The following DMBT1 variants were observed in gnomAD, a reference collection of about 807,000 sequenced individuals.
DMBT1 encodes deleted in malignant brain tumors 1.
In DMBT1, 198 loss-of-function variants were observed where a neutral mutation model predicts 252.9. The observed-to-expected ratio is 0.78, with a 90% CI of 0.70 to 0.88. The LOEUF (loss-of-function observed/expected upper bound fraction) is 0.88, where lower values mean the gene tolerates loss of function less well. Among genes scored for constraint, DMBT1 ranks in the 40% least tolerant of loss-of-function variants. DMBT1 has a pLI of 0.00. For synonymous variants in DMBT1, 990 were observed against 942.7 expected, an observed-to-expected ratio of 1.05 and a Z score of -0.92; for missense variants, 2,432 against 2,404.7, an observed-to-expected ratio of 1.01 and a Z score of -0.24.
rs749940053 is a variant in DMBT1 at position 122,590,693 on chromosome 10, A to G, written c.2136A>G (p.Pro712=). The G allele has an allele frequency of 1.3e-6, 2 of 1,587,670 alleles. No homozygotes were observed. The highest frequency in any genetic ancestry group is 2.3e-5 in the East Asian group (1 of 42,710). The change falls in exon 18 of 56, where the codon CCA becomes CCG. Residue 712 remains proline (P), a splice_region_variant and synonymous_variant. Transcript: ENST00000338354. The part of the protein sequence containing the change: ...SAAQSRSTPR[P]DTLSTITLPP... ...CCCAGTCCCGGTCGACGCCCAGGCC[A>G]GGTGAGTCCCCAGTGTCCTTCCTTG...
At chr10:122,637,088 G>C (rs2098232893) in intron 53 of DMBT1, 40 bp from the exon 54 acceptor site, 2 of 1,591,178 alleles carry the variant, frequency 1.3e-6, no homozygotes, top group African/African-American at 1.3e-5. Context: ...TGTGGAGTCT[G>C]GGGCAGTGAC....
At chr10:122,568,270 G>T (rs372525217) in intron 2 of DMBT1, among the ~76,000 whole-genome samples, 34 of 152,206 alleles carry the variant, frequency 2.2e-4, no homozygotes, top group African/African-American at 7.2e-4. Context: ...GGGATGATGT[G>T]GGGGGTAGGA....
chr10:122,575,346 C>T (rs2097703140), intron 6 of DMBT1, among the ~76,000 whole-genome samples: 1 of 152,144 alleles, frequency 6.6e-6, no homozygotes, highest in Admixed American at 6.5e-5. Context: ...TATTTCCTCC[C>T]CAAGCAGCCC....
chr10:122,641,467 T>C (rs1844517809), intron 55 of DMBT1, among the ~76,000 whole-genome samples: 1 of 152,192 alleles, frequency 6.6e-6, no homozygotes, highest in South Asian at 2.1e-4. Context: ...ATGCTAAACG[T>C]AGCACCTCTT....
intron 7 of DMBT1, 140 bp downstream of exon 7, chr10:122,576,862 A>C: frequency 1.9e-6 from 2 of 1,047,320 alleles, no homozygotes; most frequent in Non-Finnish European, 2.8e-6. Flanking sequence ...CCCCATCTCT[A>C]TTAAAAAAAG....
Position 122,640,196 on chromosome 10 carries a change from G to C in DMBT1, c.7099G>C (p.Val2367Leu). Reference sequence around the variant, plus strand: ...GTACATTGCTAATGACACCATCCACGTTGCTAATAACACCATCCAGGTCGA... The same window carrying C: ...GTACATTGCTAATGACACCATCCACCTTGCTAATAACACCATCCAGGTCGA... Reference protein sequence around the residue: ...TMYIANDTIHVANNTIQVEEV... With the variant: ...TMYIANDTIHLANNTIQVEEV... Residue 2367 changes from valine (V) to leucine (L), a missense_variant, in exon 55 of 56, where the codon GTT becomes CTT. By Grantham distance (32) the Val-to-Leu change is conservative (BLOSUM62 1). Coordinates refer to ENST00000338354, the MANE Select transcript of DMBT1 (RefSeq NM_001377530.1). 6.2e-7 allele frequency: 1 copy of C among 1,614,036 alleles called. No individual in the cohort carries two copies.
At chr10:122,624,607 C>G (rs1309230906) in intron 44 of DMBT1, among the ~76,000 whole-genome samples, 1 of 152,178 alleles carries the variant, frequency 6.6e-6, no homozygotes, top group Non-Finnish European at 1.5e-5. Context: ...AGGTCCTGTA[C>G]CAAGTCTCCT....
At chr10:122,618,712 A>G (rs1019225115) in intron 41 of DMBT1, among the ~76,000 whole-genome samples, 3 of 152,238 alleles carry the variant, frequency 2.0e-5, no homozygotes, top group African/African-American at 4.8e-5. Context: ...TCCTCTCACT[A>G]CAAGGAACTG....
In DMBT1 at chr10:122,579,666, C is replaced by T. The variant is rs747842162; in HGVS notation, c.768C>T (p.Gly256=). ...AGGTCCTATACCGAGGCTCCTGGGGCACCGTGTGTGATGACTACTGGGACA... is the reference window on the plus strand; with the variant it reads ...AGGTCCTATACCGAGGCTCCTGGGGTACCGTGTGTGATGACTACTGGGACA... ...RVEVLYRGSW[G]TVCDDYWDTN... The change falls in exon 10 of 56, where the codon GGC becomes GGT. Residue 256 remains glycine (G), a synonymous_variant. Coordinates refer to ENST00000338354, the MANE Select transcript of DMBT1 (RefSeq NM_001377530.1). 8 of 1,613,794 alleles carry T rather than the reference C, an allele frequency of 5.0e-6. No individual in the cohort carries two copies. The South Asian group carries it at 7.7e-5, about 16-fold the overall frequency.
intron 5 of DMBT1, among the ~76,000 whole-genome samples, 171 bp downstream of exon 5, chr10:122,572,532 C>G (rs563136127): frequency 2.6e-5 from 4 of 152,180 alleles, no homozygotes; most frequent in Non-Finnish European, 5.9e-5. Flanking sequence ...GAGTCCATAT[C>G]ACCACACACG....
In DMBT1 at chr10:122,629,932, T is replaced by C. The variant is rs767410970; in HGVS notation, c.5761T>C (p.Cys1921Arg). Reference protein sequence around the residue: ...YPAYYPNNAKCVWEIEVNSGY... With the variant: ...YPAYYPNNAKRVWEIEVNSGY... ...TGCATACTACCCCAACAATGCTAAGTGTGTTTGGGAAATAGAAGTGAATTC... is the reference window on the plus strand; with the variant it reads ...TGCATACTACCCCAACAATGCTAAGCGTGTTTGGGAAATAGAAGTGAATTC... Residue 1921 changes from cysteine (C) to arginine (R), a missense_variant, in exon 47 of 56, where the codon TGT becomes CGT. Cys to Arg is a radical substitution (Grantham distance 180). This residue lies in a region of DMBT1 where 1,162 missense variants were observed against 1,169.0 expected (regional missense o/e 0.99). Transcript: ENST00000338354. The C allele has an allele frequency of 8.1e-6, 13 of 1,613,950 alleles. No individual in the cohort carries two copies. In the South Asian group the frequency reaches 1.4e-4, roughly 18 times the overall value.
chr10:122,639,915 A>T, intron 54 of DMBT1, 125 bp from the exon 55 acceptor site: 1 of 1,161,182 alleles, frequency 8.6e-7, no homozygotes, highest in Admixed American at 2.6e-5. Context: ...GCCATCTCTG[A>T]GTGGTTCTGG....
At chr10:122,636,953 T>G (rs2133692249) in intron 53 of DMBT1, among the ~76,000 whole-genome samples, 175 bp from the exon 54 acceptor site, 1 of 152,330 alleles carries the variant, frequency 6.6e-6, no homozygotes, top group African/African-American at 2.4e-5. Context: ...GGGGCTGACT[T>G]GACCCTCGGG....
intron 11 of DMBT1, among the ~76,000 whole-genome samples, chr10:122,581,502 T>C (rs1008133121): frequency 6.7e-6 from 1 of 149,982 alleles, no homozygotes; most frequent in Non-Finnish European, 1.5e-5. Context: ...TCTGATGTCC[T>C]AGTCAGTCCA....
At chr10:122,575,036 A>T (rs1394460384) in intron 6 of DMBT1, among the ~76,000 whole-genome samples, 2 of 152,212 alleles carry the variant, frequency 1.3e-5, no homozygotes, top group African/African-American at 4.8e-5. Flanking sequence ...CAGCTCCTGT[A>T]GGTGCCCTGG....
intron 20 of DMBT1, among the ~76,000 whole-genome samples, chr10:122,592,986 G>A (rs1315754803): frequency 2.0e-5 from 3 of 148,930 alleles, no homozygotes; most frequent in East Asian, 4.1e-4. Flanking sequence ...CTGAGCTAAA[G>A]ATGCTTGTCT....
chr10:122,628,493 G>A (rs2098134591), intron 46 of DMBT1, among the ~76,000 whole-genome samples: 3 of 152,050 alleles, frequency 2.0e-5, no homozygotes, highest in African/African-American at 7.2e-5. Flanking sequence ...AAAATTAGCT[G>A]GGCATAGTGG....
chr10:122,630,523 T>A (rs2098154086), intron 48 of DMBT1, 33 bp downstream of exon 48: 2 of 1,602,598 alleles, frequency 1.2e-6, no homozygotes, highest in East Asian at 4.5e-5. Context: ...CTATGAGGCT[T>A]GGTGGATTTA....
In DMBT1 at chr10:122,589,682, G is replaced by A. The variant is rs910773024; in HGVS notation, c.2107+415G>A. 2.0e-5 allele frequency among the ~76,000 whole-genome samples: 3 copies of A among 148,496 alleles called. 1 individual carries two copies. Among genetic ancestry groups the A allele is most frequent in the Non-Finnish European group, 4.5e-5 (3 of 66,746 alleles). On this transcript the variant is annotated intron_variant, in intron 17 of 55. Coordinates refer to ENST00000338354, the MANE Select transcript of DMBT1 (RefSeq NM_001377530.1). The stretch of plus-strand genomic sequence containing the variant: ...TTCTGCTGACAGCCTCAGGCTGCTT[G>A]TGCTCCTGGCAGAAGGAGATGGGGA...
Sources: allele counts gnomAD v4.1 joint callset (sites outside exome capture counted in the v4.1 genomes callset), GRCh38; gene constraint gnomAD v4.1.1; regional missense constraint gnomAD v4.1.1; transcripts MANE v1.5; gene names NCBI Gene and HGNC (gene_info 2026-07-23, HGNC 2026-07-21).